The following RFX7 variants were observed in gnomAD, a reference collection of about 807,000 sequenced individuals.
The protein encoded by RFX7 is DNA-binding protein RFX7.
RFX7 carries 26 observed loss-of-function variants against 111.8 expected under a neutral mutation model. The observed-to-expected ratio is 0.23, with a 90% CI of 0.17 to 0.32. RFX7 has a LOEUF of 0.32. Among genes scored for constraint, RFX7 ranks in the 10% least tolerant of loss-of-function variants. RFX7 has a pLI of 1.00. For missense variants in RFX7, 1,573 were observed against 1,772.9 expected, an observed-to-expected ratio of 0.89 and a Z score of 2.02; for synonymous variants, 624 against 624.4, an observed-to-expected ratio of 1.00 and a Z score of 0.01.
chr15:56,175,186 A>T (rs529206291), intron 3 of RFX7, among the ~76,000 whole-genome samples: 1 of 152,218 alleles, frequency 6.6e-6, no homozygotes, highest in Non-Finnish European at 1.5e-5. Context: ...TTTAAATGCC[A>T]TACTCAGTAG....
chr15:56,226,908 T>C (rs1169108726), intron 2 of RFX7, among the ~76,000 whole-genome samples: 1 of 152,038 alleles, frequency 6.6e-6, no homozygotes, highest in Non-Finnish European at 1.5e-5. Context: ...TGGCCAACCA[T>C]CAAAGAACAA....
intron 2 of RFX7, among the ~76,000 whole-genome samples, chr15:56,202,738 G>A (rs2043205921): frequency 1.3e-5 from 2 of 152,216 alleles, no homozygotes; most frequent in African/African-American, 2.4e-5. Context: ...CTTGAGCCAA[G>A]GAGTCTGAGG....
intron 5 of RFX7, among the ~76,000 whole-genome samples, chr15:56,113,459 T>G (rs1275891885): frequency 2.0e-5 from 3 of 151,954 alleles, no homozygotes; most frequent in Non-Finnish European, 4.4e-5. Flanking sequence ...TGAGAACACA[T>G]GGACACAGGG....
chr15:56,225,576 C>T (rs1230324450), intron 2 of RFX7, among the ~76,000 whole-genome samples: 1 of 152,174 alleles, frequency 6.6e-6, no homozygotes, highest in Non-Finnish European at 1.5e-5. Flanking sequence ...TCACATCTCA[C>T]TTTAGAAGTC....
chr15:56,159,666 C>T (rs565105557), intron 3 of RFX7, among the ~76,000 whole-genome samples: 1 of 152,234 alleles, frequency 6.6e-6, no homozygotes, highest in South Asian at 2.1e-4. Flanking sequence ...TCTCTTCTGT[C>T]ATAAAGAAAT....
At chr15:56,120,193 G>C (rs1210746934) in intron 5 of RFX7, among the ~76,000 whole-genome samples, 1 of 152,102 alleles carries the variant, frequency 6.6e-6, no homozygotes. Flanking sequence ...TTGTTTTATA[G>C]TTTTCACTGT....
chr15:56,235,893 G>C (rs2043617912), intron 2 of RFX7, among the ~76,000 whole-genome samples: 1 of 152,056 alleles, frequency 6.6e-6, no homozygotes, highest in African/African-American at 2.4e-5. Flanking sequence ...TTCAGATAAG[G>C]CTATTTGGAA....
rs765021327 is a variant in RFX7 at position 56,087,552 on chromosome 15, G to A, written c.*5793C>T. 6.6e-6 allele frequency: 3 copies of A among 456,682 alleles called. No homozygotes were observed. Among genetic ancestry groups the A allele is most frequent in the Non-Finnish European group, 1.3e-5 (3 of 226,932 alleles). 28.3% of individuals were successfully genotyped at this position (456,682 alleles called of 1,614,324 possible). ...CCAAACCTTTTGGTTACATCTCTTT[G>A]AGTACTTGGTAAGTGTCTCCACTTA... On this transcript the variant is annotated 3_prime_UTR_variant, in exon 10 of 10. Coordinates refer to ENST00000559447, the MANE Select transcript of RFX7 (RefSeq NM_022841.7).
chr15:56,144,511 T>C, intron 3 of RFX7, 28 bp from the exon 4 acceptor site: 1 of 1,283,866 alleles, frequency 7.8e-7, no homozygotes, highest in Non-Finnish European at 1.1e-6. Context: ...AAAAGAAAGA[T>C]CATTTTTAAA....
intron 3 of RFX7, among the ~76,000 whole-genome samples, chr15:56,150,025 G>T (rs552758048): frequency 5.9e-4 from 89 of 151,804 alleles, no homozygotes; most frequent in African/African-American, 2.0e-3. Context: ...GACCTTGGTC[G>T]GGGGGTTGCG....
chr15:56,108,693 C>T (rs1419037656), intron 5 of RFX7, among the ~76,000 whole-genome samples: 1 of 152,032 alleles, frequency 6.6e-6, no homozygotes. Flanking sequence ...GAAGTTCTGG[C>T]CAGGGCAATC....
intron 3 of RFX7, among the ~76,000 whole-genome samples, chr15:56,165,087 C>A (rs774527306): frequency 1.2e-4 from 19 of 152,108 alleles, no homozygotes; most frequent in Non-Finnish European, 2.5e-4. Flanking sequence ...TAACCTAGAT[C>A]CCTCACATGC....
chr15:56,152,598 C>G (rs185328875), intron 3 of RFX7, among the ~76,000 whole-genome samples: 1 of 152,042 alleles, frequency 6.6e-6, no homozygotes, highest in African/African-American at 2.4e-5. Context: ...CAAGAGAAAG[C>G]AGGAAAGACC....
chr15:56,241,648 C>T (rs1384560764), intron 2 of RFX7, among the ~76,000 whole-genome samples: 1 of 151,980 alleles, frequency 6.6e-6, no homozygotes, highest in Non-Finnish European at 1.5e-5. Flanking sequence ...AGATATTCAC[C>T]ATCTCTTCTT....
intron 2 of RFX7, among the ~76,000 whole-genome samples, chr15:56,194,414 C>A (rs1308847054): frequency 1.5e-4 from 23 of 152,178 alleles, no homozygotes; most frequent in African/African-American, 5.5e-4. Flanking sequence ...TACATTCTAT[C>A]CTTACCAGGA....
chr15:56,122,799 C>T (rs1403908064), intron 5 of RFX7, among the ~76,000 whole-genome samples: 6 of 152,136 alleles, frequency 3.9e-5, no homozygotes, highest in African/African-American at 1.4e-4. Flanking sequence ...GGAGTCTCCC[C>T]GTGTCCACCA....
chr15:56,197,272 C>T (rs1304309927), intron 2 of RFX7, among the ~76,000 whole-genome samples: 4 of 151,970 alleles, frequency 2.6e-5, no homozygotes, highest in Admixed American at 2.0e-4. Context: ...AGATACTAAT[C>T]TTTTGTCAAC....
At chr15:56,101,023 CACATAT>C (rs2041744752) in intron 8 of RFX7, among the ~76,000 whole-genome samples, 1 of 151,810 alleles carries the variant, frequency 6.6e-6, no homozygotes, top group South Asian at 2.1e-4. Context: ...AATTTAGATA[CACATAT>C]ACATATATGT....
chr15:56,183,178 G>C (rs1219065885), intron 2 of RFX7, among the ~76,000 whole-genome samples: 1 of 151,888 alleles, frequency 6.6e-6, no homozygotes, highest in Non-Finnish European at 1.5e-5. Context: ...CCTATCCTTT[G>C]CATATTTTTA....
Sources: gnomAD v4.1 joint callset for allele counts (sites outside exome capture counted in the v4.1 genomes callset) on GRCh38, gnomAD v4.1.1 for gene constraint, MANE v1.5 for transcripts, NCBI Gene and HGNC (gene_info 2026-07-23, HGNC 2026-07-21) for gene names.